The following TRIP12 variants were observed in gnomAD, a reference collection of about 807,000 sequenced individuals.
TRIP12 encodes E3 ubiquitin-protein ligase TRIP12.
A neutral mutation model predicts 244.2 loss-of-function variants in TRIP12; 25 were observed. That is an observed-to-expected ratio of 0.10 (90% CI 0.07 to 0.14). The LOEUF is 0.14. Ranked by LOEUF, TRIP12 falls within the 10% of genes least tolerant of loss-of-function variation. The pLI, the probability that TRIP12 is intolerant of heterozygous loss-of-function variation, is 1.00. For synonymous variants in TRIP12, 905 were observed against 873.1 expected, an observed-to-expected ratio of 1.04 and a Z score of -0.64; for missense variants, 1,677 against 2,486.4, an observed-to-expected ratio of 0.67 and a Z score of 6.92.
intron 9 of TRIP12, among the ~76,000 whole-genome samples, chr2:229,816,100 T>C (rs1022983904): frequency 1.3e-5 from 2 of 152,154 alleles, no homozygotes; most frequent in African/African-American, 2.4e-5. Flanking sequence ...TGGAAATTTT[T>C]AAATGCACTG....
At chr2:229,884,306 G>A (rs1431385717) in intron 1 of TRIP12, among the ~76,000 whole-genome samples, 2 of 138,530 alleles carry the variant, frequency 1.4e-5, no homozygotes, top group Admixed American at 7.9e-5. Context: ...GCACGATCTC[G>A]GCTCACTGTA....
chr2:229,887,039 C>T (rs1190097742), intron 1 of TRIP12, among the ~76,000 whole-genome samples: 3 of 151,990 alleles, frequency 2.0e-5, no homozygotes, highest in Non-Finnish European at 4.4e-5. Context: ...CACTCAAATA[C>T]AAGTTTGACT....
At chr2:229,900,896 G>A in intron 1 of TRIP12, 1 of 150,270 alleles carries the variant, frequency 6.7e-6, no homozygotes. Flanking sequence ...ACTGTAAATA[G>A]GTGAATTGTA....
chr2:229,785,760 A>G lies in TRIP12; in HGVS notation c.5091T>C (p.Asn1697=). The G allele has an allele frequency of 6.2e-7, 1 of 1,613,500 alleles. No homozygotes were observed. Among genetic ancestry groups the G allele is most frequent in the South Asian group, 1.1e-5 (1 of 90,980 alleles). ...CATCACCAGACTCCAAGCTCACCTCATTTTCATACTGGATTTCTAACATGG... is the reference window on the plus strand; with the variant it reads ...CATCACCAGACTCCAAGCTCACCTCGTTTTCATACTGGATTTCTAACATGG... The part of the protein sequence containing the change: ...SRAMLEIQYE[N]EVGTGLGPTL... The change falls in exon 34 of 42, where the codon AAT becomes AAC. Residue 1697 remains asparagine, a synonymous_variant. Transcript: ENST00000675903.
At chr2:229,818,244 CCT>C (rs1227940955) in intron 9 of TRIP12, 118 bp downstream of exon 9, 2 of 1,093,708 alleles carry the variant, frequency 1.8e-6, no homozygotes, top group Non-Finnish European at 2.6e-6. Flanking sequence ...GTCATATACT[CCT>C]CTCTTAACTC....
intron 24 of TRIP12, among the ~76,000 whole-genome samples, 179 bp downstream of exon 24, chr2:229,797,511 T>C (rs2043116116): frequency 6.6e-6 from 1 of 152,190 alleles, no homozygotes; most frequent in Non-Finnish European, 1.5e-5. Flanking sequence ...TACAGACTGA[T>C]GAATCCTGAT....
chr2:229,917,690 A>G (rs2075756047), intron 1 of TRIP12, among the ~76,000 whole-genome samples: 1 of 152,080 alleles, frequency 6.6e-6, no homozygotes, highest in Admixed American at 6.6e-5. Context: ...ACCAACCAAG[A>G]GAAAGCATTC....
At chr2:229,883,401 A>T (rs1242521902) in intron 1 of TRIP12, among the ~76,000 whole-genome samples, 1 of 152,222 alleles carries the variant, frequency 6.6e-6, no homozygotes, top group African/African-American at 2.4e-5. Context: ...TATATTACTT[A>T]ATTTTTAAAA....
In TRIP12 at chr2:229,840,657, G is replaced by A. The variant is rs570386745; in HGVS notation, c.1133+165C>T. On this transcript the variant is annotated intron_variant, in intron 5 of 41. Transcript: ENST00000675903. ...GCGCAGGTTGCAGTGAGCCAAGATC[G>A]CGCCACTGCACTCCAGCCTGGGTGA... Among the ~76,000 whole-genome samples, 215 of 152,124 alleles carry A rather than the reference G, an allele frequency of 1.4e-3. 1 individual carries two copies. The highest frequency in any genetic ancestry group is 3.4e-3 in the Middle Eastern group (1 of 294).
At chr2:229,888,351 A>T (rs752654699) in intron 1 of TRIP12, among the ~76,000 whole-genome samples, 27 of 152,328 alleles carry the variant, frequency 1.8e-4, no homozygotes, top group Middle Eastern at 3.4e-3. Flanking sequence ...AAACCAAGGT[A>T]ATCAATAAGA....
At chr2:229,865,434 T>G (rs2061370974) in intron 2 of TRIP12, among the ~76,000 whole-genome samples, 1 of 151,810 alleles carries the variant, frequency 6.6e-6, no homozygotes, top group South Asian at 2.1e-4. Flanking sequence ...ATTATAGGTA[T>G]TACACTGCCT....
At chr2:229,790,796 A>G (rs2041320533) in intron 30 of TRIP12, among the ~76,000 whole-genome samples, 1 of 152,242 alleles carries the variant, frequency 6.6e-6, no homozygotes, top group Non-Finnish European at 1.5e-5. Flanking sequence ...CAATTGGCCA[A>G]TTATCACTAC....
At chr2:229,830,126 T>C (rs145103716) in intron 7 of TRIP12, among the ~76,000 whole-genome samples, 1 of 152,332 alleles carries the variant, frequency 6.6e-6, no homozygotes, top group Non-Finnish European at 1.5e-5. Context: ...TACCCATCCA[T>C]ACATAGTATT....
intron 4 of TRIP12, among the ~76,000 whole-genome samples, chr2:229,858,264 A>C (rs2059940854): frequency 1.3e-5 from 2 of 152,104 alleles, no homozygotes; most frequent in African/African-American, 4.8e-5. Flanking sequence ...TCTGGAGGCC[A>C]AGGCAAGAGG....
chr2:229,830,174 A>C (rs1413501337), intron 7 of TRIP12, among the ~76,000 whole-genome samples: 3 of 152,222 alleles, frequency 2.0e-5, no homozygotes, highest in African/African-American at 7.2e-5. Context: ...CATTAAAAAA[A>C]CCCTACAATT....
At chr2:229,779,317 T>C (rs1302784398) in intron 34 of TRIP12, among the ~76,000 whole-genome samples, 2 of 152,192 alleles carry the variant, frequency 1.3e-5, no homozygotes, top group African/African-American at 2.4e-5. Flanking sequence ...TTCCCCTTTT[T>C]CTCTTTAGTG....
intron 1 of TRIP12, among the ~76,000 whole-genome samples, chr2:229,887,085 A>T (rs1417879933): frequency 1.3e-5 from 2 of 152,148 alleles, no homozygotes; most frequent in African/African-American, 4.8e-5. Context: ...TATTTACCTT[A>T]AAAAAAATCA....
upstream of TRIP12, chr2:229,922,622 C>T (rs2076768688): frequency 6.2e-7 from 1 of 1,613,318 alleles, no homozygotes; most frequent in African/African-American, 1.3e-5. Flanking sequence ...AAGTGCGAGC[C>T]GCGGTTTACC....
chr2:229,898,218 G>C (rs1269289117), intron 1 of TRIP12, among the ~76,000 whole-genome samples: 2 of 152,194 alleles, frequency 1.3e-5, no homozygotes, highest in Non-Finnish European at 2.9e-5. Flanking sequence ...TCTTAGGTAA[G>C]CAGGCATTCA....
Sources: allele counts gnomAD v4.1 joint callset (sites outside exome capture counted in the v4.1 genomes callset), GRCh38; gene constraint gnomAD v4.1.1; transcripts MANE v1.5; gene names NCBI Gene and HGNC (gene_info 2026-07-23, HGNC 2026-07-21).